The following UBR1 variants were observed in gnomAD, a reference collection of about 807,000 sequenced individuals.
The protein encoded by UBR1 is ubiquitin protein ligase E3 component n-recognin 1, also known as E3 ubiquitin-protein ligase UBR1.
In UBR1, 102 loss-of-function variants were observed where a neutral mutation model predicts 242.1. The observed-to-expected ratio is 0.42, with a 90% CI of 0.36 to 0.50. The LOEUF (loss-of-function observed/expected upper bound fraction) is 0.50. Ranked by LOEUF, UBR1 falls within the 20% of genes least tolerant of loss-of-function variation. The pLI is 0.01. For synonymous variants in UBR1, 675 were observed against 684.8 expected (o/e 0.99, Z 0.22); for missense variants, 1,772 against 2,101.8 (o/e 0.84, Z 3.07).
In UBR1 at chr15:42,950,290, C is replaced by T; in HGVS notation, c.5080G>A (p.Glu1694Lys). Reference sequence around the variant, plus strand: ...AGGCCAGGGTCTGTTTCTCCATATTCATCCAAGTAAGGAGCTGGATAGGCA... The same window carrying T: ...AGGCCAGGGTCTGTTTCTCCATATTTATCCAAGTAAGGAGCTGGATAGGCA... Reference protein sequence around the residue: ...GCAYPAPYLDEYGETDPGLKR... With the variant: ...GCAYPAPYLDKYGETDPGLKR... The change falls in exon 46 of 47, where the codon GAA (glutamate) becomes AAA (lysine). Residue 1694 changes from glutamate (E) to lysine (K), a missense_variant. Glu to Lys is a moderately conservative substitution (Grantham distance 56). Transcript: ENST00000290650. 1 of 1,614,160 alleles carries T rather than the reference C, an allele frequency of 6.2e-7. No homozygotes were observed. Among genetic ancestry groups the T allele is most frequent in the Non-Finnish European group, 8.5e-7 (1 of 1,180,014 alleles).
At chr15:43,038,954 T>C (rs1299393364) in intron 15 of UBR1, among the ~76,000 whole-genome samples, 4 of 151,970 alleles carry the variant, frequency 2.6e-5, no homozygotes, top group Non-Finnish European at 5.9e-5. Context: ...AACAAAAATT[T>C]TTATTTTCAT....
chr15:43,099,146 G>A (rs188628151), intron 1 of UBR1, among the ~76,000 whole-genome samples: 111 of 152,124 alleles, frequency 7.3e-4, no homozygotes, highest in African/African-American at 2.4e-3. Flanking sequence ...AGACCAGCCC[G>A]GCCAACACGG....
intron 1 of UBR1, among the ~76,000 whole-genome samples, chr15:43,096,488 A>G (rs2034163542): frequency 6.6e-6 from 1 of 152,104 alleles, no homozygotes; most frequent in South Asian, 2.1e-4. Flanking sequence ...TAAGACAACC[A>G]TGAAGTCTGC....
Position 42,952,822 on chromosome 15 carries a change from G to A in UBR1, c.4836-374C>T, listed in dbSNP as rs545060309. 2.6e-5 allele frequency among the ~76,000 whole-genome samples: 4 copies of A among 152,222 alleles called. No individual in the cohort carries two copies. The East Asian group carries it at 7.7e-4, about 29-fold the overall frequency. Reference sequence around the variant, plus strand: ...TCTGTATTGTGTTAGTCAAGCTTGTGTCTTCGATGTTGAAGGAATATGACC... The same window carrying A: ...TCTGTATTGTGTTAGTCAAGCTTGTATCTTCGATGTTGAAGGAATATGACC... On this transcript the variant is annotated intron_variant, in intron 44 of 46. Coordinates refer to ENST00000290650, the MANE Select transcript of UBR1 (RefSeq NM_174916.3).
chr15:42,991,720 A>G (rs1238010773), intron 33 of UBR1, among the ~76,000 whole-genome samples: 2 of 151,862 alleles, frequency 1.3e-5, no homozygotes, highest in African/African-American at 4.8e-5. Context: ...ATTCATGGAC[A>G]CTTTACCTCA....
At chr15:43,020,106 C>A (rs1481985361) in intron 27 of UBR1, among the ~76,000 whole-genome samples, 2 of 152,136 alleles carry the variant, frequency 1.3e-5, no homozygotes, top group East Asian at 3.9e-4. Context: ...GTGGTGCGAT[C>A]TTGGCTCACC....
intron 15 of UBR1, among the ~76,000 whole-genome samples, chr15:43,042,898 G>C (rs2033437472): frequency 6.6e-6 from 1 of 152,110 alleles, no homozygotes; most frequent in Non-Finnish European, 1.5e-5. Context: ...GGTCAGAGAG[G>C]AGGTTTAGAA....
chr15:43,071,057 A>G, intron 4 of UBR1, 132 bp from the exon 5 acceptor site: 1 of 1,259,054 alleles, frequency 7.9e-7, no homozygotes. Flanking sequence ...ATTCAAGTTG[A>G]GCTCAAGAGG....
rs1186754815 is a variant in UBR1 at position 43,059,203 on chromosome 15, A to G, written c.986-11T>C. 1.9e-6 allele frequency: 3 copies of G among 1,603,912 alleles called. No individual in the cohort carries two copies. In the Admixed American group the frequency reaches 5.0e-5, roughly 27 times the overall value. ...TCTGCCTAAAGTCACCTACAAACAA[A>G]AGAGGTCACACAGTTACACAACTTG... On this transcript the variant is annotated splice_polypyrimidine_tract_variant and intron_variant, in intron 8 of 46. Coordinates refer to ENST00000290650, the MANE Select transcript of UBR1 (RefSeq NM_174916.3).
At chr15:42,997,828 G>A (rs933829032) in intron 33 of UBR1, among the ~76,000 whole-genome samples, 17 of 152,100 alleles carry the variant, frequency 1.1e-4, no homozygotes, top group Admixed American at 2.0e-4. Flanking sequence ...GGCACACAGA[G>A]CTTAAGTAAC....
intron 19 of UBR1, among the ~76,000 whole-genome samples, chr15:43,034,094 G>A (rs1277531508): frequency 6.6e-6 from 1 of 151,980 alleles, no homozygotes; most frequent in African/African-American, 2.4e-5. Context: ...AACATTACCT[G>A]GGCATGGTGG....
intron 39 of UBR1, among the ~76,000 whole-genome samples, chr15:42,972,005 C>A: frequency 6.6e-6 from 1 of 152,136 alleles, no homozygotes; most frequent in Non-Finnish European, 1.5e-5. Flanking sequence ...AATCAATGAG[C>A]CTACATTGCC....
chr15:43,035,453 T>G (rs920753719), intron 19 of UBR1, among the ~76,000 whole-genome samples: 1 of 152,044 alleles, frequency 6.6e-6, no homozygotes, highest in Non-Finnish European at 1.5e-5. Context: ...TCATGTCCTT[T>G]GCCCACTTTT....
chr15:43,029,839 ATATAGGACT>A (rs2033230924), intron 21 of UBR1, 96 bp downstream of exon 21: 2 of 1,311,930 alleles, frequency 1.5e-6, no homozygotes, highest in East Asian at 2.3e-5. Context: ...TAAGGTAATG[ATATAGGACT>A]TTTTGCCTAA....
At chr15:43,076,261 C>T (rs369334495) in intron 3 of UBR1, among the ~76,000 whole-genome samples, 1 of 152,136 alleles carries the variant, frequency 6.6e-6, no homozygotes, top group Non-Finnish European at 1.5e-5. Flanking sequence ...GGATTGCAGA[C>T]GGAGTCTCGT....
chr15:43,080,319 T>C (rs186606699), intron 3 of UBR1, among the ~76,000 whole-genome samples: 1 of 152,332 alleles, frequency 6.6e-6, no homozygotes, highest in East Asian at 1.9e-4. Flanking sequence ...CATATAAAAA[T>C]AGTGAGCCAG....
chr15:43,012,430 T>C (rs2032937345), intron 29 of UBR1, among the ~76,000 whole-genome samples: 2 of 152,200 alleles, frequency 1.3e-5, no homozygotes, highest in Non-Finnish European at 2.9e-5. Context: ...TGATAATTTG[T>C]AATCATGGTT....
intron 37 of UBR1, among the ~76,000 whole-genome samples, chr15:42,979,577 G>A (rs1325614679): frequency 6.6e-6 from 1 of 151,968 alleles, no homozygotes; most frequent in Non-Finnish European, 1.5e-5. Flanking sequence ...TTGAGATGGA[G>A]TCTCACTCTG....
Position 42,944,283 on chromosome 15 carries a change from T to C in UBR1, c.*1046A>G, listed in dbSNP as rs2031697140. ...TAAACAAGATGGCTCAACCACAGCA[T>C]GTTATAACAGGACACAGACTATTGA... is the stretch of plus-strand genomic sequence containing the variant. On this transcript the variant is annotated 3_prime_UTR_variant, in exon 47 of 47. Transcript: ENST00000290650. 1 of 152,642 alleles carries C rather than the reference T, an allele frequency of 6.6e-6. No individual in the cohort carries two copies. Among genetic ancestry groups the C allele is most frequent in the African/African-American group, 2.4e-5 (1 of 41,464 alleles). The allele number at this position is 152,642 out of a possible 1,614,324, so 9.5% of individuals were successfully genotyped here.
Sources: allele counts gnomAD v4.1 joint callset (sites outside exome capture counted in the v4.1 genomes callset), GRCh38; gene constraint gnomAD v4.1.1; transcripts MANE v1.5; gene names NCBI Gene and HGNC (gene_info 2026-07-23, HGNC 2026-07-21).